Variants in ECPAS observed in about 807,000 individuals in gnomAD.
ECPAS encodes the protein Ecm29 proteasome adaptor and scaffold.
A neutral mutation model predicts 255.1 loss-of-function variants in ECPAS; 70 were observed. That is an observed-to-expected ratio of 0.27 (90% CI 0.23 to 0.33). The LOEUF (loss-of-function observed/expected upper bound fraction) is 0.33. Among genes scored for constraint, ECPAS ranks in the 10% least tolerant of loss-of-function variants. The pLI, the probability that ECPAS is intolerant of heterozygous loss-of-function variation, is 1.00. For missense variants in ECPAS, 1,817 were observed against 2,206.4 expected, an observed-to-expected ratio of 0.82 and a Z score of 3.54; for synonymous variants, 784 against 775.0, an observed-to-expected ratio of 1.01 and a Z score of -0.19.
intron 24 of ECPAS, among the ~76,000 whole-genome samples, chr9:111,408,058 G>GAGGC (rs915620208): frequency 2.6e-5 from 4 of 152,332 alleles, no homozygotes; most frequent in African/African-American, 9.6e-5. Context: ...GGCGGCCAAA[G>GAGGC]AGGCTGGTAT....
At chr9:111,370,696 G>A in intron 44 of ECPAS, 26 bp downstream of exon 44, 1 of 1,606,218 alleles carries the variant, frequency 6.2e-7, no homozygotes. Context: ...TTTAAGAAAT[G>A]GCATCTTCAT....
intron 1 of ECPAS, among the ~76,000 whole-genome samples, chr9:111,482,633 T>C (rs1007010553): frequency 6.7e-6 from 1 of 150,322 alleles, no homozygotes; most frequent in African/African-American, 2.5e-5. Context: ...TGCCATAAAC[T>C]GAAGGGCAGC....
chr9:111,377,432 G>A, intron 36 of ECPAS, among the ~76,000 whole-genome samples: 1 of 152,112 alleles, frequency 6.6e-6, no homozygotes, highest in East Asian at 1.9e-4. Flanking sequence ...TCAGAAAAAT[G>A]AGATTCTTGT....
chr9:111,415,254 A>T lies in ECPAS; in HGVS notation c.1765-603T>A, dbSNP rs532239061. ...GTGTGTGTGTGTGTGTGTGTGTGTG[A>T]GAGAGAGAGAAAGACAGAGAGAGAG... is the stretch of plus-strand genomic sequence containing the variant. On this transcript the variant is annotated intron_variant, in intron 18 of 49. Transcript: ENST00000684092. 9.7e-3 allele frequency among the ~76,000 whole-genome samples: 1,407 copies of T among 144,476 alleles called. 6 individuals carry two copies. Among genetic ancestry groups the T allele is most frequent in the African/African-American group, 0.022 (835 of 38,672 alleles). The allele number at this position is 144,476 out of a possible 152,430, so 94.8% of individuals were successfully genotyped here. A position where few individuals can be genotyped will look rare whatever the true frequency, so the allele number is the denominator to read the frequency against.
At chr9:111,424,078 C>A (rs2098218087) in intron 12 of ECPAS, among the ~76,000 whole-genome samples, 1 of 152,126 alleles carries the variant, frequency 6.6e-6, no homozygotes, top group African/African-American at 2.4e-5. Context: ...TCATTTCTAC[C>A]AATGACTCTA....
chr9:111,425,632 G>T, intron 11 of ECPAS, 111 bp downstream of exon 11: 1 of 973,946 alleles, frequency 1.0e-6, no homozygotes, highest in Non-Finnish European at 1.5e-6. Flanking sequence ...AATTTTTAAA[G>T]ATGAGCAAAC....
At chr9:111,376,146 C>T (rs1176569288) in intron 37 of ECPAS, among the ~76,000 whole-genome samples, 1 of 152,138 alleles carries the variant, frequency 6.6e-6, no homozygotes, top group African/African-American at 2.4e-5. Flanking sequence ...TAGTTCCTCC[C>T]AAAGATAACT....
intron 18 of ECPAS, among the ~76,000 whole-genome samples, chr9:111,415,752 G>T (rs1246559697): frequency 6.7e-6 from 1 of 150,248 alleles, no homozygotes; most frequent in East Asian, 1.9e-4. Flanking sequence ...TACATAAACA[G>T]GCTGCCAAGG....
Position 111,409,911 on chromosome 9 carries a change from T to C in ECPAS, c.2550+130A>G, listed in dbSNP as rs960022422. 2.6e-5 allele frequency: 18 copies of C among 703,766 alleles called. No individual in the cohort carries two copies. In the Admixed American group the frequency reaches 5.2e-4, roughly 20 times the overall value. The allele number at this position is 703,766 out of a possible 1,614,324, so 43.6% of individuals were successfully genotyped here. On this transcript the variant is annotated intron_variant, in intron 23 of 49. Transcript: ENST00000684092. The stretch of plus-strand genomic sequence containing the variant: ...AGTAAACACTTAAGACTTGCTTCTT[T>C]ATCACCCATTTTTACATTAAATCCT...
chr9:111,480,285 ACCTTT>A (rs2098302624), intron 1 of ECPAS, among the ~76,000 whole-genome samples: 10 of 125,086 alleles, frequency 8.0e-5, no homozygotes, highest in African/African-American at 3.0e-4. Context: ...TCTTAAAAGC[ACCTTT>A]TCTTTTTTTT....
chr9:111,426,202 G>A (rs944748495), intron 10 of ECPAS, among the ~76,000 whole-genome samples: 1 of 152,146 alleles, frequency 6.6e-6, no homozygotes, highest in Non-Finnish European at 1.5e-5. Flanking sequence ...TTCTACAAGT[G>A]TCCCATTGGG....
At chr9:111,440,223 C>G (rs925427450) in intron 6 of ECPAS, 149 bp downstream of exon 6, 1 of 636,674 alleles carries the variant, frequency 1.6e-6, no homozygotes, top group African/African-American at 1.8e-5. Context: ...AGCAGTGGAG[C>G]TGAAGTTTAG....
At chr9:111,420,254 A>C in intron 15 of ECPAS, 134 bp from the exon 16 acceptor site, 1 of 602,480 alleles carries the variant, frequency 1.7e-6, no homozygotes, top group Non-Finnish European at 2.9e-6. Flanking sequence ...GTGACATTTT[A>C]ATAAACGTGT....
intron 24 of ECPAS, among the ~76,000 whole-genome samples, chr9:111,402,283 A>T (rs1437317789): frequency 1.3e-5 from 2 of 152,244 alleles, no homozygotes; most frequent in Non-Finnish European, 2.9e-5. Context: ...GGATAAATGA[A>T]GACTTTCCTG....
rs2098232905 is a variant in ECPAS at position 111,433,376 on chromosome 9, T to C, written c.709-4A>G. 6 of 1,613,824 alleles carry C rather than the reference T, an allele frequency of 3.7e-6. No homozygotes were observed. The highest frequency in any genetic ancestry group is 5.1e-6 in the Non-Finnish European group (6 of 1,179,824). ...ATTTCACGATTCCCAATTTGCACTG[T>C]AGATAAATGAAGGGAAGGAGAAAGA... On this transcript the variant is annotated splice_polypyrimidine_tract_variant and splice_region_variant and intron_variant, in intron 7 of 49. Coordinates refer to ENST00000684092, the MANE Select transcript of ECPAS (RefSeq NM_001364929.1).
rs2098188944 is a variant in ECPAS, at chr9:111,408,645, C to T, written c.2578G>A (p.Gly860Arg). Reference protein sequence around the residue: ...KMKERAIQTLGYFPVGDGDFP... With the variant: ...KMKERAIQTLRYFPVGDGDFP... The stretch of plus-strand genomic sequence containing the variant: ...TCTCCATCCCCAACTGGAAAATATC[C>T]CAGTGTTTGGATTGCTCGTTCTTTC... The change falls in exon 24 of 50, where the codon GGA becomes AGA. Residue 860 changes from glycine (G) to arginine (R), a missense_variant. This residue lies in a region of ECPAS where 960 missense variants were observed against 1,179.0 expected (regional missense o/e 0.81). Coordinates refer to ENST00000684092, the MANE Select transcript of ECPAS (RefSeq NM_001364929.1). 1 of 1,589,208 alleles carries T rather than the reference C, an allele frequency of 6.3e-7. No individual in the cohort carries two copies. Among genetic ancestry groups the T allele is most frequent in the African/African-American group, 1.3e-5 (1 of 74,190 alleles).
chr9:111,480,292 C>CTTTTT (rs398011866), intron 1 of ECPAS, among the ~76,000 whole-genome samples: 3,199 of 63,148 alleles, frequency 0.051, 2 homozygotes, highest in Non-Finnish European at 0.062. Flanking sequence ...AGCACCTTTT[C>CTTTTT]TTTTTTTTTT....
intron 8 of ECPAS, among the ~76,000 whole-genome samples, chr9:111,432,147 A>G (rs2098230966): frequency 6.6e-6 from 1 of 152,262 alleles, no homozygotes; most frequent in African/African-American, 2.4e-5. Flanking sequence ...TGATATAATG[A>G]ACAAATCTAT....
chr9:111,477,086 G>GCCA (rs1447873240), intron 1 of ECPAS, among the ~76,000 whole-genome samples: 3 of 151,966 alleles, frequency 2.0e-5, no homozygotes, highest in Non-Finnish European at 4.4e-5. Flanking sequence ...ACAGGCGTGA[G>GCCA]CCACCGCGCC....
Sources: allele counts gnomAD v4.1 joint callset (sites outside exome capture counted in the v4.1 genomes callset), GRCh38; gene constraint gnomAD v4.1.1; regional missense constraint gnomAD v4.1.1; transcripts MANE v1.5; gene names NCBI Gene and HGNC (gene_info 2026-07-23, HGNC 2026-07-21).